The following ORC1 variants were observed in gnomAD, a reference collection of about 807,000 sequenced individuals.
ORC1 encodes origin recognition complex, subunit 1 homolog.
In ORC1, 61 loss-of-function variants were observed where a neutral mutation model predicts 98.9. The ratio of observed to expected loss-of-function variants is 0.62; its 90% CI spans 0.50 to 0.76. The LOEUF is 0.76. Among genes scored for constraint, ORC1 ranks in the 30% least tolerant of loss-of-function variants. ORC1 has a pLI of 0.00. For synonymous variants in ORC1, 385 were observed against 406.9 expected, an observed-to-expected ratio of 0.95 and a Z score of 0.65; for missense variants, 979 against 1,072.2, an observed-to-expected ratio of 0.91 and a Z score of 1.21.
intron 13 of ORC1, among the ~76,000 whole-genome samples, chr1:52,383,005 G>GA (rs751746121): frequency 6.6e-4 from 100 of 152,098 alleles, no homozygotes; most frequent in Non-Finnish European, 9.4e-4. Flanking sequence ...TTCCAACATA[G>GA]AAACTACAAG....
At chr1:52,374,203 C>A (rs1374172451) in intron 16 of ORC1, among the ~76,000 whole-genome samples, 4 of 152,146 alleles carry the variant, frequency 2.6e-5, no homozygotes, top group Non-Finnish European at 4.4e-5. Flanking sequence ...CAAAACATGA[C>A]GAGTAGCTAA....
upstream of ORC1, chr1:52,404,726 A>G: frequency 6.2e-7 from 1 of 1,610,018 alleles, no homozygotes; most frequent in Non-Finnish European, 8.5e-7. Context: ...GATCCGACGG[A>G]AATAGAATTG....
At chr1:52,374,770 G>A in intron 16 of ORC1, 40 bp downstream of exon 16, 1 of 1,391,714 alleles carries the variant, frequency 7.2e-7, no homozygotes, top group South Asian at 1.2e-5. Flanking sequence ...AAAAGCGTAA[G>A]TCCAAAATCT....
Position 52,384,572 on chromosome 1 carries a change from T to C in ORC1, c.1733A>G (p.Gln578Arg). The C allele has an allele frequency of 1.2e-6, 2 of 1,614,092 alleles. No individual in the cohort carries two copies. The highest frequency in any genetic ancestry group is 1.7e-6 in the Non-Finnish European group (2 of 1,180,002). Reference protein sequence around the residue: ...VNGMKLTEPHQVYVQILQKLT... With the variant: ...VNGMKLTEPHRVYVQILQKLT... ...TACCTGCAAGATTTGCACATAGACT[T>C]GGTGGGGCTCCGTCAGCTTCATGCC... Residue 578 changes from glutamine to arginine, a missense_variant, in exon 11 of 17, where the codon CAA (glutamine) becomes CGA (arginine). By Grantham distance (43) the Gln-to-Arg change is conservative. Coordinates refer to ENST00000371568, the MANE Select transcript of ORC1 (RefSeq NM_004153.4).
chr1:52,373,133 A>G lies in ORC1; in HGVS notation c.*48T>C. On this transcript the variant is annotated 3_prime_UTR_variant, in exon 17 of 17. Coordinates refer to ENST00000371568, the MANE Select transcript of ORC1 (RefSeq NM_004153.4). ...GGCGACAGAGCAAGACCCTGTCTCA[A>G]AAAACAAAACCCAGCAAGACCCCAG... 6 of 1,597,846 alleles carry G rather than the reference A, an allele frequency of 3.8e-6. No individual in the cohort carries two copies. The highest frequency in any genetic ancestry group is 5.1e-6 in the Non-Finnish European group (6 of 1,166,692).
At chr1:52,381,513 C>CT (rs1647069393) in intron 14 of ORC1, 129 bp downstream of exon 14, 1 of 993,060 alleles carries the variant, frequency 1.0e-6, no homozygotes, top group South Asian at 1.4e-5. Context: ...ATAATCTTGT[C>CT]TTTTTTGATA....
intron 13 of ORC1, 71 bp downstream of exon 13, chr1:52,383,349 C>G: frequency 6.3e-7 from 1 of 1,588,152 alleles, no homozygotes; most frequent in Non-Finnish European, 8.6e-7. Context: ...ACACCTGGAC[C>G]ATTTTTGCAG....
chr1:52,399,325 C>T (rs1647579207), intron 3 of ORC1, among the ~76,000 whole-genome samples: 2 of 151,934 alleles, frequency 1.3e-5, no homozygotes, highest in Admixed American at 1.3e-4. Context: ...CTCATCTCTG[C>T]TAAAAATACA....
chr1:52,380,875 G>C (rs1022255045), intron 14 of ORC1, among the ~76,000 whole-genome samples: 4 of 152,126 alleles, frequency 2.6e-5, no homozygotes, highest in Admixed American at 2.6e-4. Context: ...CACACAATTG[G>C]CTCACCTCTT....
chr1:52,400,302 C>T (rs1040235826), intron 3 of ORC1, among the ~76,000 whole-genome samples: 20 of 152,190 alleles, frequency 1.3e-4, no homozygotes, highest in African/African-American at 4.8e-4. Context: ...CTGTACAGCA[C>T]GGATACACTG....
intron 3 of ORC1, among the ~76,000 whole-genome samples, chr1:52,398,114 C>A (rs1395040079): frequency 2.0e-5 from 3 of 151,980 alleles, no homozygotes; most frequent in Non-Finnish European, 2.9e-5. Context: ...CAGGCACCTG[C>A]CATCCTACCT....
rs747626187 is a variant in ORC1, at chr1:52,383,889, C to T, written c.1804G>A (p.Ala602Thr). Residue 602 changes from alanine to threonine, a missense_variant, in exon 12 of 17, where the codon GCA becomes ACA. Ala to Thr is a moderately conservative substitution (Grantham distance 58). Transcript: ENST00000371568. Reference sequence around the variant, plus strand: ...GACCCTCGGGTGCAGAATTGCTTTGCCAGCAGTTCTGCCGCATGGTTGGCT... The same window carrying T: ...GACCCTCGGGTGCAGAATTGCTTTGTCAGCAGTTCTGCCGCATGGTTGGCT... ...ATANHAAELL[A>T]KQFCTRGSPQ... The T allele has an allele frequency of 7.4e-6, 12 of 1,614,176 alleles. No homozygotes were observed. In the South Asian group the frequency reaches 1.2e-4, roughly 16 times the overall value.
At chr1:52,404,931 C>T (rs1275771645), upstream of ORC1, 1 of 1,598,948 alleles carries the variant, frequency 6.3e-7, no homozygotes, top group Admixed American at 1.7e-5. Context: ...CCCATTTCTC[C>T]TGACCGAGCG....
intron 2 of ORC1, 108 bp downstream of exon 2, chr1:52,402,021 C>T: frequency 1.2e-6 from 1 of 840,424 alleles, no homozygotes; most frequent in Non-Finnish European, 2.0e-6. Context: ...TTCTAATCTC[C>T]TGTTCATTCA....
At chr1:52,404,813 GAGA>G, upstream of ORC1, 1 of 1,614,222 alleles carries the variant, frequency 6.2e-7, no homozygotes, top group Non-Finnish European at 8.5e-7. Context: ...ATATCTGGTG[GAGA>G]AGATCATTCG....
chr1:52,385,468 T>A (rs1318489276), intron 9 of ORC1, among the ~76,000 whole-genome samples: 1 of 152,170 alleles, frequency 6.6e-6, no homozygotes, highest in African/African-American at 2.4e-5. Context: ...CCAAATCACA[T>A]GGGTGGACCT....
At chr1:52,408,922 AT>A, upstream of ORC1, 1 of 416,902 alleles carries the variant, frequency 2.4e-6, no homozygotes, top group Non-Finnish European at 4.3e-6. Flanking sequence ...AGTGCATCTT[AT>A]GTTAATCCCT....
At chr1:52,398,608 G>C (rs912200937) in intron 3 of ORC1, among the ~76,000 whole-genome samples, 1 of 148,964 alleles carries the variant, frequency 6.7e-6, no homozygotes, top group Non-Finnish European at 1.5e-5. Flanking sequence ...TTGAGACGGA[G>C]TCTCACTCTG....
upstream of ORC1, chr1:52,408,133 T>A (rs188402938): frequency 6.9e-6 from 2 of 288,080 alleles, no homozygotes; most frequent in Non-Finnish European, 1.3e-5. Context: ...CCTCGCTACA[T>A]GGAGGCTGAG....
Sources: allele counts gnomAD v4.1 joint callset (sites outside exome capture counted in the v4.1 genomes callset), GRCh38; gene constraint gnomAD v4.1.1; transcripts MANE v1.5; gene names NCBI Gene and HGNC (gene_info 2026-07-23, HGNC 2026-07-21).